DDX19A: variants seen among roughly 807,000 people sequenced by gnomAD.
The protein encoded by DDX19A is ATP-dependent RNA helicase DDX19A.
DDX19A carries 12 observed loss-of-function variants against 60.6 expected under a neutral mutation model. The ratio of observed to expected loss-of-function variants is 0.20; its 90% CI spans 0.13 to 0.32. The LOEUF (loss-of-function observed/expected upper bound fraction) is 0.32. DDX19A is among the 10% of genes least tolerant of loss of function. The probability of loss-of-function intolerance (pLI) is 1.00; values close to 1 mark genes in which losing one functional copy is unlikely to be tolerated. For missense variants in DDX19A, 337 were observed against 600.6 expected, an observed-to-expected ratio of 0.56 and a Z score of 4.59; for synonymous variants, 206 against 218.2, an observed-to-expected ratio of 0.94 and a Z score of 0.49.
chr16:70,370,564 A>T (rs1017928474), intron 10 of DDX19A, 179 bp downstream of exon 10: 3 of 1,054,334 alleles, frequency 2.8e-6, no homozygotes, highest in Non-Finnish European at 3.8e-6. Flanking sequence ...GAACTCACAC[A>T]TGCCAGGTGC....
At chr16:70,362,113 T>C (rs2151638864) in intron 5 of DDX19A, among the ~76,000 whole-genome samples, 1 of 150,664 alleles carries the variant, frequency 6.6e-6, no homozygotes, top group East Asian at 1.9e-4. Context: ...AGGCAGAGGT[T>C]GCAGTGAGCC....
At chr16:70,359,445 G>A (rs1419938177) in intron 4 of DDX19A, among the ~76,000 whole-genome samples, 2 of 152,202 alleles carry the variant, frequency 1.3e-5, no homozygotes, top group African/African-American at 2.4e-5. Context: ...CTTTTCTTTA[G>A]AAACAATCTG....
At chr16:70,357,144 C>G (rs981770555) in intron 4 of DDX19A, among the ~76,000 whole-genome samples, 1 of 150,550 alleles carries the variant, frequency 6.6e-6, no homozygotes, top group Non-Finnish European at 1.5e-5. Context: ...ATCTCAGCTA[C>G]TCAGGAGGCG....
intron 10 of DDX19A, 85 bp downstream of exon 10, chr16:70,370,470 G>C: frequency 6.5e-7 from 1 of 1,537,088 alleles, no homozygotes; most frequent in Non-Finnish European, 8.8e-7. Context: ...ATACAGGGAA[G>C]TCGGATGGTC....
intron 2 of DDX19A, among the ~76,000 whole-genome samples, chr16:70,353,922 A>G (rs1303585000): frequency 6.7e-6 from 1 of 149,428 alleles, no homozygotes; most frequent in Non-Finnish European, 1.5e-5. Context: ...AAAAAAACAC[A>G]GGCTCTTGCT....
intron 6 of DDX19A, 128 bp from the exon 7 acceptor site, chr16:70,364,888 AG>A (rs1964470652): frequency 1.3e-6 from 1 of 759,878 alleles, no homozygotes; most frequent in Admixed American, 2.4e-5. Flanking sequence ...TATGGCTGAA[AG>A]GTGGGCCTGG....
intron 4 of DDX19A, 107 bp downstream of exon 4, chr16:70,356,354 A>AT (rs548148267): frequency 6.6e-7 from 1 of 1,510,128 alleles, no homozygotes; most frequent in Admixed American, 2.1e-5. Context: ...AATTTAGTGT[A>AT]TTTTTTCCTT....
rs567347696 is a variant in DDX19A at position 70,353,242 on chromosome 16, G to A, written c.107-2243G>A. 4.0e-5 allele frequency among the ~76,000 whole-genome samples: 6 copies of A among 151,692 alleles called. No homozygotes were observed. In the East Asian group the frequency reaches 1.2e-3, roughly 30 times the overall value. ...CAATTCTTCTGTCTCTGCATCCCGA[G>A]TAGCTGGGATTACAGGTGCCTGCCT... is the stretch of plus-strand genomic sequence containing the variant. On this transcript the variant is annotated intron_variant, in intron 2 of 11. Coordinates refer to ENST00000302243, the MANE Select transcript of DDX19A (RefSeq NM_018332.5).
intron 1 of DDX19A, among the ~76,000 whole-genome samples, 175 bp from the exon 2 acceptor site, chr16:70,350,382 A>G (rs1963974707): frequency 6.6e-6 from 1 of 152,144 alleles, no homozygotes; most frequent in Admixed American, 6.6e-5. Context: ...AGATATTTGA[A>G]ATGATGGTTT....
At chr16:70,366,397 T>G (rs1236950302) in intron 8 of DDX19A, 135 bp downstream of exon 8, 16 of 1,389,530 alleles carry the variant, frequency 1.2e-5, no homozygotes, top group East Asian at 2.4e-5. Context: ...TGACGGGCCA[T>G]TTCCATGTCA....
chr16:70,357,249 A>ACT lies in DDX19A; in HGVS notation c.293+1010_293+1011dup, dbSNP rs1291378145. Reference sequence around the variant, plus strand: ...ACTCCAGCCTGGGCAACAGAGCGAGACTCTCTCTCAAAAAAAAAAAAATAT... The same window carrying ACT: ...ACTCCAGCCTGGGCAACAGAGCGAGACTCTCTCTCTCAAAAAAAAAAAAATAT... On this transcript the variant is annotated intron_variant, in intron 4 of 11. Transcript: ENST00000302243. 4.2e-5 allele frequency among the ~76,000 whole-genome samples: 5 copies of ACT among 118,062 alleles called. No individual in the cohort carries two copies. The East Asian group carries it at 6.8e-4, about 16-fold the overall frequency. 77.5% of individuals were successfully genotyped at this position (118,062 alleles called of 152,430 possible). A position where few individuals can be genotyped will look rare whatever the true frequency, so the allele number is the denominator to read the frequency against.
At chr16:70,353,033 C>G (rs1017916468) in intron 2 of DDX19A, among the ~76,000 whole-genome samples, 2 of 152,088 alleles carry the variant, frequency 1.3e-5, no homozygotes, top group Non-Finnish European at 2.9e-5. Flanking sequence ...ATGAACTTAG[C>G]TCTTTTTACA....
chr16:70,370,384 C>T lies in DDX19A; in HGVS notation c.1182C>T (p.Arg394=), dbSNP rs377619059. 14 of 1,611,472 alleles carry T rather than the reference C, an allele frequency of 8.7e-6. No individual in the cohort carries two copies. The Admixed American group carries it at 1.0e-4, about 12-fold the overall frequency. ...KVLVTTNVCA[R]GIDVEQVSVV... is the part of the protein sequence containing the mutation. ...TGGTGACCACCAACGTGTGTGCCCG[C>T]GGTGAGCAGAGGACGTGTCCCACCT... The change falls in exon 10 of 12, where the codon CGC becomes CGT. Residue 394 remains arginine, a splice_region_variant and synonymous_variant. Transcript: ENST00000302243.
chr16:70,362,261 G>C (rs954097175), intron 5 of DDX19A, among the ~76,000 whole-genome samples: 3 of 147,684 alleles, frequency 2.0e-5, no homozygotes, highest in Non-Finnish European at 4.4e-5. Flanking sequence ...CAGGAGAATT[G>C]CTTGAACCCC....
At chr16:70,356,388 C>A in intron 4 of DDX19A, 141 bp downstream of exon 4, 1 of 1,331,554 alleles carries the variant, frequency 7.5e-7, no homozygotes, top group Non-Finnish European at 1.0e-6. Context: ...CAGAGTTTCG[C>A]TCCTGTTGCC....
At position 70,347,032 on chromosome 16, in the gene DDX19A, A is replaced by C; in HGVS notation, c.41A>C (p.Glu14Ala). The change falls in exon 1 of 12, where the codon GAA (glutamate) becomes GCA (alanine). Residue 14 changes from glutamate to alanine, a missense_variant. Transcript: ENST00000302243. ...TGGGCCCTGGCGGTGGACGAGCAGG[A>C]AGCGGCTGTCAAGTCGGTCAGTAGC... Reference protein sequence around the residue: ...DSWALAVDEQEAAVKSMTNLQ... With the variant: ...DSWALAVDEQAAAVKSMTNLQ... The C allele has an allele frequency of 6.2e-7, 1 of 1,612,592 alleles. No homozygotes were observed. Among genetic ancestry groups the C allele is most frequent in the Non-Finnish European group, 8.5e-7 (1 of 1,179,780 alleles).
chr16:70,354,858 A>G (rs1393150256), intron 2 of DDX19A, among the ~76,000 whole-genome samples: 1 of 152,046 alleles, frequency 6.6e-6, no homozygotes, highest in Admixed American at 6.6e-5. Flanking sequence ...TTAAGGCAGG[A>G]GGATGTGGTG....
intron 3 of DDX19A, 31 bp from the exon 4 acceptor site, chr16:70,356,081 G>T: frequency 6.2e-7 from 1 of 1,612,484 alleles, no homozygotes; most frequent in Non-Finnish European, 8.5e-7. Flanking sequence ...TGCCAGATGA[G>T]TATGAAGATC....
intron 1 of DDX19A, 52 bp downstream of exon 1, chr16:70,347,100 CCTCCCAAAAGCACAGGGAG>C: frequency 1.3e-6 from 2 of 1,568,582 alleles, no homozygotes; most frequent in Non-Finnish European, 1.7e-6. Flanking sequence ...CCAAGCGAAA[CCTCCCAAAAGCACAGGGAG>C]CTCCCCGGGT....
Sources: allele counts gnomAD v4.1 joint callset (sites outside exome capture counted in the v4.1 genomes callset), GRCh38; gene constraint gnomAD v4.1.1; transcripts MANE v1.5; gene names NCBI Gene and HGNC (gene_info 2026-07-23, HGNC 2026-07-21).